DNAH6: variants seen among roughly 807,000 people sequenced by gnomAD.
The protein encoded by DNAH6 is dynein axonemal heavy chain 6, also known as axonemal beta dynein heavy chain 6.
In DNAH6, 340 loss-of-function variants were observed where a neutral mutation model predicts 491.4. The observed-to-expected ratio is 0.69, with a 90% CI of 0.63 to 0.76. The LOEUF is 0.76. DNAH6 is among the 30% of genes least tolerant of loss of function. DNAH6 has a pLI of 0.00. For synonymous variants in DNAH6, 1,603 were observed against 1,686.1 expected (o/e 0.95, Z 1.21); for missense variants, 4,443 against 4,972.2 (o/e 0.89, Z 3.20).
intron 64 of DNAH6, among the ~76,000 whole-genome samples, chr2:84,772,256 A>G (rs1450569371): frequency 6.6e-6 from 1 of 152,138 alleles, no homozygotes. Context: ...ATCAATATCT[A>G]ACTAACAAAA....
In DNAH6 at chr2:84,531,637, G is replaced by A. The variant is rs1001817571; in HGVS notation, c.662+2471G>A. Reference sequence around the variant, plus strand: ...ATTTTCCTTTTACAACTGAGACATAGAAGACTGAATGGAGCAGAATCATCA... The same window carrying A: ...ATTTTCCTTTTACAACTGAGACATAAAAGACTGAATGGAGCAGAATCATCA... On this transcript the variant is annotated intron_variant, in intron 4 of 76. Transcript: ENST00000389394. 6.6e-5 allele frequency among the ~76,000 whole-genome samples: 10 copies of A among 152,176 alleles called. No homozygotes were observed. In the South Asian group the frequency reaches 2.1e-3, roughly 32 times the overall value.
chr2:84,467,564 G>GAGTCATAGT, the DNAH6 span, among the ~76,000 whole-genome samples: 5 of 152,248 alleles, frequency 3.3e-5, no homozygotes, highest in Middle Eastern at 3.4e-3. Context: ...TGTAGAGTGA[G>GAGTCATAGT]AGTCATAGTG....
At chr2:84,541,937 T>A (rs957454412) in intron 4 of DNAH6, among the ~76,000 whole-genome samples, 1 of 152,228 alleles carries the variant, frequency 6.6e-6, no homozygotes, top group South Asian at 2.1e-4. Flanking sequence ...GCACCCCGGA[T>A]GATTTTGATG....
At chr2:84,688,375 G>A in intron 44 of DNAH6, 64 bp from the exon 45 acceptor site, 6 of 1,333,206 alleles carry the variant, frequency 4.5e-6, no homozygotes, top group African/African-American at 3.1e-5. Context: ...TAAATGAAAT[G>A]GATTTTCCAG....
intron 63 of DNAH6, among the ~76,000 whole-genome samples, chr2:84,749,834 A>T (rs112636400): frequency 6.6e-6 from 1 of 152,230 alleles, no homozygotes; most frequent in Non-Finnish European, 1.5e-5. Flanking sequence ...ATTATAGACT[A>T]TGAAAATTTT....
At chr2:84,516,158 C>T (rs556143120), upstream of DNAH6, among the ~76,000 whole-genome samples, 153 of 152,290 alleles carry the variant, frequency 1.0e-3, no homozygotes, top group African/African-American at 3.6e-3. Flanking sequence ...AGTCTTACGC[C>T]TCTTGAAGGA....
chr2:84,758,691 A>G (rs933397465), intron 63 of DNAH6, among the ~76,000 whole-genome samples: 1 of 152,236 alleles, frequency 6.6e-6, no homozygotes, highest in Non-Finnish European at 1.5e-5. Flanking sequence ...AAGGACAAAA[A>G]TCATATGATC....
At chr2:84,668,810 CTGTGTGTG>C (rs766203821) in intron 37 of DNAH6, among the ~76,000 whole-genome samples, 1 of 120,976 alleles carries the variant, frequency 8.3e-6, no homozygotes, top group Non-Finnish European at 1.7e-5. Context: ...AGCCATCCCT[CTGTGTGTG>C]TGTGTGTGTG....
chr2:84,584,918 G>C (rs1683384166), intron 15 of DNAH6: 1 of 152,226 alleles, frequency 6.6e-6, no homozygotes, highest in South Asian at 2.1e-4. Flanking sequence ...AAGAGACAGA[G>C]TGTACATTGA....
intron 72 of DNAH6, among the ~76,000 whole-genome samples, chr2:84,809,719 G>A (rs1369806447): frequency 6.6e-6 from 1 of 152,118 alleles, no homozygotes. Flanking sequence ...GCTCATCCAG[G>A]GATAAACAGG....
At position 84,621,434 on chromosome 2, in the gene DNAH6, G is replaced by T. The variant is rs1177372869; in HGVS notation, c.3958-4G>T. On this transcript the variant is annotated splice_region_variant and splice_polypyrimidine_tract_variant and intron_variant, in intron 25 of 76. Transcript: ENST00000389394. ...ACATATTTAAGAAACATGTTTTCTT[G>T]CAGGTTATCCTGACTGTTTCTCAAA... The T allele has an allele frequency of 6.5e-7, 1 of 1,542,270 alleles. No homozygotes were observed. Among genetic ancestry groups the T allele is most frequent in the Non-Finnish European group, 8.8e-7 (1 of 1,138,954 alleles).
chr2:84,771,344 C>G (rs528626622), intron 64 of DNAH6, among the ~76,000 whole-genome samples: 21 of 151,346 alleles, frequency 1.4e-4, no homozygotes, highest in African/African-American at 4.6e-4. Context: ...GAGATACCAT[C>G]AACCATACCA....
In DNAH6 at chr2:84,596,025, G is replaced by A. The variant is rs190697957; in HGVS notation, c.2868+236G>A. On this transcript the variant is annotated intron_variant, in intron 18 of 76. Transcript: ENST00000389394. Reference sequence around the variant, plus strand: ...GGGCATTCAGAGTGTTTCCCAAGTGGTAAGGGAAATAGTGCAGGAATAGGT... The same window carrying A: ...GGGCATTCAGAGTGTTTCCCAAGTGATAAGGGAAATAGTGCAGGAATAGGT... Among the ~76,000 whole-genome samples, 526 of 152,280 alleles carry A rather than the reference G, an allele frequency of 3.5e-3. 1 individual carries two copies. The highest frequency in any genetic ancestry group is 0.011 in the African/African-American group (476 of 41,568).
intron 60 of DNAH6, among the ~76,000 whole-genome samples, chr2:84,723,722 A>G (rs1573609989): frequency 6.6e-6 from 1 of 152,126 alleles, no homozygotes; most frequent in African/African-American, 2.4e-5. Context: ...CACTTTCACC[A>G]TGTGACTATG....
intron 68 of DNAH6, among the ~76,000 whole-genome samples, chr2:84,792,259 AAGTTAT>A (rs774285496): frequency 1.2e-4 from 18 of 152,322 alleles, no homozygotes; most frequent in Middle Eastern, 3.4e-3. Context: ...GTTCAGTATA[AAGTTAT>A]AGTTATACAA....
intron 71 of DNAH6, among the ~76,000 whole-genome samples, chr2:84,806,937 A>G (rs1432325974): frequency 6.6e-6 from 1 of 152,204 alleles, no homozygotes; most frequent in East Asian, 1.9e-4. Flanking sequence ...TATAAGATCA[A>G]TAAATATAAG....
chr2:84,743,192 G>T (rs943168281), intron 62 of DNAH6, among the ~76,000 whole-genome samples: 1 of 152,164 alleles, frequency 6.6e-6, no homozygotes, highest in Non-Finnish European at 1.5e-5. Context: ...AAGGTGTGGA[G>T]GTTGAAAAGC....
chr2:84,513,119 T>A (rs1226928691), upstream of DNAH6, among the ~76,000 whole-genome samples: 2 of 152,138 alleles, frequency 1.3e-5, no homozygotes, highest in Non-Finnish European at 2.9e-5. Flanking sequence ...TATTTTTTTT[T>A]AGTTATTTTC....
At chr2:84,497,300 T>A in the DNAH6 span, among the ~76,000 whole-genome samples, 1 of 150,924 alleles carries the variant, frequency 6.6e-6, no homozygotes, top group Non-Finnish European at 1.5e-5. Flanking sequence ...TGTGTCTGGG[T>A]TTTTTTTTCG....
Sources: gnomAD v4.1 joint callset for allele counts (sites outside exome capture counted in the v4.1 genomes callset) on GRCh38, gnomAD v4.1.1 for gene constraint, MANE v1.5 for transcripts, NCBI Gene and HGNC (gene_info 2026-07-23, HGNC 2026-07-21) for gene names.